The following PIGK variants were observed in gnomAD, a reference collection of about 807,000 sequenced individuals.
PIGK encodes the protein phosphatidylinositol glycan anchor biosynthesis class K.
In PIGK, 42 loss-of-function variants were observed where a neutral mutation model predicts 50.6. The ratio of observed to expected loss-of-function variants is 0.83; its 90% CI spans 0.65 to 1.07. The LOEUF is 1.07. PIGK is among the 50% of genes least tolerant of loss of function. PIGK has a pLI of 0.00. For missense variants in PIGK, 448 were observed against 488.7 expected, an observed-to-expected ratio of 0.92 and a Z score of 0.78; for synonymous variants, 151 against 156.0, an observed-to-expected ratio of 0.97 and a Z score of 0.24.
chr1:77,210,345 AT>A (rs1656388046), intron 2 of PIGK, 90 bp downstream of exon 2: 5 of 664,614 alleles, frequency 7.5e-6, no homozygotes, highest in Non-Finnish European at 1.2e-5. Context: ...ATGTAAAAAA[AT>A]AAATTGTATT....
chr1:77,117,162 T>C (rs956349870), intron 10 of PIGK, among the ~76,000 whole-genome samples: 7 of 152,158 alleles, frequency 4.6e-5, no homozygotes, highest in Non-Finnish European at 8.8e-5. Flanking sequence ...ACCATAAACT[T>C]GAGAATTTCA....
intron 1 of PIGK, among the ~76,000 whole-genome samples, chr1:77,215,257 G>A (rs568221925): frequency 7.2e-5 from 11 of 152,064 alleles, no homozygotes; most frequent in African/African-American, 2.4e-4. Flanking sequence ...AATTAAAAAC[G>A]AGCAAAGGAT....
At position 77,149,968 on chromosome 1, in the gene PIGK, G is replaced by A. The variant is rs12031744; in HGVS notation, c.986+4481C>T. Among the ~76,000 whole-genome samples, 60 of 150,894 alleles carry A rather than the reference G, an allele frequency of 4.0e-4. No homozygotes were observed. In the East Asian group the frequency reaches 9.7e-3, roughly 24 times the overall value. On this transcript the variant is annotated intron_variant, in intron 9 of 10. Coordinates refer to ENST00000370812, the MANE Select transcript of PIGK (RefSeq NM_005482.3). ...CCTTTGGAAAACTATACAAATACAT[G>A]GAAATAACATTCTCCTGAATAACAA...
chr1:77,101,003 T>C (rs1653528877), intron 10 of PIGK, among the ~76,000 whole-genome samples: 1 of 152,212 alleles, frequency 6.6e-6, no homozygotes, highest in Admixed American at 6.5e-5. Flanking sequence ...AAGCTATGCC[T>C]GGACTCCTGA....
At chr1:77,161,915 G>A (rs1446533291) in intron 6 of PIGK, among the ~76,000 whole-genome samples, 1 of 152,160 alleles carries the variant, frequency 6.6e-6, no homozygotes, top group Non-Finnish European at 1.5e-5. Flanking sequence ...GAGTCTTATT[G>A]TGCCCAAGGT....
At chr1:77,149,977 A>T (rs929911508) in intron 9 of PIGK, among the ~76,000 whole-genome samples, 7 of 152,182 alleles carry the variant, frequency 4.6e-5, no homozygotes, top group Non-Finnish European at 8.8e-5. Flanking sequence ...TGGAAATAAC[A>T]TTCTCCTGAA....
At chr1:77,215,613 T>G (rs1656540596) in intron 1 of PIGK, among the ~76,000 whole-genome samples, 1 of 152,164 alleles carries the variant, frequency 6.6e-6, no homozygotes, top group Non-Finnish European at 1.5e-5. Context: ...AAGAGATATC[T>G]ACACTCCATA....
chr1:77,184,903 T>C (rs1163752927), intron 3 of PIGK, among the ~76,000 whole-genome samples: 4 of 152,194 alleles, frequency 2.6e-5, no homozygotes, highest in African/African-American at 7.2e-5. Flanking sequence ...TGGAGATCAG[T>C]GCCACCATCA....
At chr1:77,113,459 T>C (rs72681891) in intron 10 of PIGK, among the ~76,000 whole-genome samples, 11,805 of 152,108 alleles carry the variant, frequency 0.078, 619 homozygotes, top group South Asian at 0.21. Flanking sequence ...ATGTAGCTAA[T>C]TCTTAAGTAT....
intron 9 of PIGK, among the ~76,000 whole-genome samples, chr1:77,146,781 A>C (rs1654778506): frequency 6.6e-6 from 1 of 151,978 alleles, no homozygotes; most frequent in South Asian, 2.1e-4. Context: ...TGGGCGACAC[A>C]GCGAGACTCT....
At chr1:77,139,215 T>G (rs1307908634) in intron 9 of PIGK, among the ~76,000 whole-genome samples, 1 of 152,072 alleles carries the variant, frequency 6.6e-6, no homozygotes, top group Non-Finnish European at 1.5e-5. Context: ...CACTTGAGTT[T>G]TAGCGTCTAT....
In PIGK at chr1:77,206,742, A is replaced by C. The variant is rs1166254811; in HGVS notation, c.148-11T>G. Reference sequence around the variant, plus strand: ...TCGGGATGTACACACCTGAAGTATTAAAACAAAAACAGAATTTTTATGCAT... The same window carrying C: ...TCGGGATGTACACACCTGAAGTATTCAAACAAAAACAGAATTTTTATGCAT... On this transcript the variant is annotated splice_polypyrimidine_tract_variant and intron_variant, in intron 2 of 10. Transcript: ENST00000370812. 1 of 1,541,040 alleles carries C rather than the reference A, an allele frequency of 6.5e-7. No homozygotes were observed. The highest frequency in any genetic ancestry group is 1.1e-5 in the South Asian group (1 of 89,360).
intron 9 of PIGK, among the ~76,000 whole-genome samples, chr1:77,146,180 C>CG (rs1557805237): frequency 6.6e-6 from 1 of 151,852 alleles, no homozygotes; most frequent in South Asian, 2.1e-4. Context: ...ACACAATACT[C>CG]AAAAATTAAT....
At chr1:77,101,968 C>T (rs1011117348) in intron 10 of PIGK, among the ~76,000 whole-genome samples, 2 of 152,146 alleles carry the variant, frequency 1.3e-5, no homozygotes, top group African/African-American at 4.8e-5. Context: ...GGTGCCACTG[C>T]ACTCCAGCCT....
intron 10 of PIGK, among the ~76,000 whole-genome samples, chr1:77,098,003 C>T (rs187594213): frequency 8.6e-5 from 13 of 152,032 alleles, no homozygotes; most frequent in Admixed American, 7.9e-4. Context: ...TAATGTGATT[C>T]CAATGCAAGT....
intron 9 of PIGK, among the ~76,000 whole-genome samples, chr1:77,146,333 C>G (rs778739857): frequency 2.0e-5 from 3 of 152,038 alleles, no homozygotes; most frequent in Non-Finnish European, 4.4e-5. Context: ...GTGGATTTCA[C>G]CAACATTTAA....
Position 77,158,068 on chromosome 1 carries a change from G to C in PIGK, c.813+3227C>G, listed in dbSNP as rs186697982. ...GTCTCACTCTGTCACCCAGGCTGGA[G>C]TGCAGTGGCGCAATCTCAGCTCACT... On this transcript the variant is annotated intron_variant, in intron 8 of 10. Transcript: ENST00000370812. Among the ~76,000 whole-genome samples, 126 of 152,298 alleles carry C rather than the reference G, an allele frequency of 8.3e-4. 1 individual carries two copies. The highest frequency in any genetic ancestry group is 1.5e-5 in the Non-Finnish European group (1 of 68,036).
chr1:77,212,505 C>G (rs1656442781), intron 1 of PIGK, among the ~76,000 whole-genome samples: 1 of 152,112 alleles, frequency 6.6e-6, no homozygotes, highest in Non-Finnish European at 1.5e-5. Context: ...ACATCTGTAC[C>G]TGTGTGTACA....
intron 8 of PIGK, among the ~76,000 whole-genome samples, chr1:77,156,769 T>C (rs1018423018): frequency 6.6e-6 from 1 of 152,162 alleles, no homozygotes; most frequent in Non-Finnish European, 1.5e-5. Context: ...ACCATATAAA[T>C]TGCATTGTTA....
Sources: gnomAD v4.1 joint callset for allele counts (sites outside exome capture counted in the v4.1 genomes callset) on GRCh38, gnomAD v4.1.1 for gene constraint, MANE v1.5 for transcripts, NCBI Gene and HGNC (gene_info 2026-07-23, HGNC 2026-07-21) for gene names.